LRRC39: variants seen among roughly 807,000 people sequenced by gnomAD.
LRRC39 encodes leucine rich repeat containing 39.
A neutral mutation model predicts 39.7 loss-of-function variants in LRRC39; 35 were observed. The observed-to-expected ratio is 0.88, with a 90% CI of 0.67 to 1.17. The LOEUF is 1.17. Among genes scored for constraint, LRRC39 ranks in the 50% most tolerant of loss-of-function variants. The pLI, the probability that LRRC39 is intolerant of heterozygous loss-of-function variation, is 0.00. For synonymous variants in LRRC39, 113 were observed against 134.1 expected, an observed-to-expected ratio of 0.84 and a Z score of 1.09; for missense variants, 357 against 385.8, an observed-to-expected ratio of 0.93 and a Z score of 0.62.
At chr1:100,162,956 A>G (rs576110855) in intron 3 of LRRC39, among the ~76,000 whole-genome samples, 6 of 152,172 alleles carry the variant, frequency 3.9e-5, no homozygotes, top group Non-Finnish European at 2.9e-5. Context: ...AAAGTGTTGA[A>G]TTTGCTGTCT....
At chr1:100,169,020 T>C (rs79127597) in intron 2 of LRRC39, among the ~76,000 whole-genome samples, 4,500 of 152,126 alleles carry the variant, frequency 0.03, 94 homozygotes, top group South Asian at 0.051. Flanking sequence ...GATAATATAT[T>C]GGGATTGTTT....
intron 4 of LRRC39, 38 bp downstream of exon 4, chr1:100,160,428 G>A: frequency 5.8e-6 from 9 of 1,550,472 alleles, no homozygotes; most frequent in Non-Finnish European, 8.0e-6. Context: ...CTCACAAAAT[G>A]CAAAATGTGG....
intron 8 of LRRC39, among the ~76,000 whole-genome samples, chr1:100,153,066 A>G (rs1310602666): frequency 6.6e-6 from 1 of 152,178 alleles, no homozygotes; most frequent in Non-Finnish European, 1.5e-5. Flanking sequence ...AACTTCTAAG[A>G]GCAATTTTAA....
intron 9 of LRRC39, chr1:100,149,496 G>A: frequency 2.1e-6 from 3 of 1,449,050 alleles, no homozygotes; most frequent in Non-Finnish European, 2.8e-6. Flanking sequence ...TGTCTAGTTA[G>A]AACTTCCAAA....
intron 5 of LRRC39, 46 bp from the exon 6 acceptor site, chr1:100,158,413 T>A (rs747691257): frequency 6.5e-7 from 1 of 1,533,824 alleles, no homozygotes; most frequent in South Asian, 1.2e-5. Flanking sequence ...TATAAAATAA[T>A]CTTTATAGTT....
Position 100,148,462 on chromosome 1 carries a change from CTT to C in LRRC39, c.*578_*579del. Reference sequence around the variant, plus strand: ...TTAGAATAAGCTAAAATATACACATCTTTTATTGTGGTCATAAATATAATGTG... The same window carrying C: ...TTAGAATAAGCTAAAATATACACATCTTATTGTGGTCATAAATATAATGTG... On this transcript the variant is annotated 3_prime_UTR_variant, in exon 10 of 10. Transcript: ENST00000370137. The C allele has an allele frequency of 9.1e-7, 1 of 1,101,978 alleles. No individual in the cohort carries two copies. The highest frequency in any genetic ancestry group is 1.3e-6 in the Non-Finnish European group (1 of 773,466). 68.3% of individuals were successfully genotyped at this position (1,101,978 alleles called of 1,614,324 possible). A position where few individuals can be genotyped will look rare whatever the true frequency, so the allele number is the denominator to read the frequency against.
intron 1 of LRRC39, among the ~76,000 whole-genome samples, chr1:100,173,850 T>C (rs1659788418): frequency 6.6e-6 from 1 of 152,166 alleles, no homozygotes; most frequent in African/African-American, 2.4e-5. Context: ...CTATTTTCAA[T>C]AGCATAAAAA....
At chr1:100,172,435 C>G (rs889770865) in intron 2 of LRRC39, among the ~76,000 whole-genome samples, 1 of 152,142 alleles carries the variant, frequency 6.6e-6, no homozygotes, top group Non-Finnish European at 1.5e-5. Flanking sequence ...GCATGTAATT[C>G]CAGCACTTTG....
At chr1:100,149,229 C>T (rs561592859) in intron 9 of LRRC39, 132 bp from the exon 10 acceptor site, 16 of 1,494,362 alleles carry the variant, frequency 1.1e-5, no homozygotes, top group Non-Finnish European at 8.9e-7. Flanking sequence ...TTGATTGTAA[C>T]AAGGGCCAAT....
chr1:100,153,496 AAC>A (rs1658210030), intron 8 of LRRC39, among the ~76,000 whole-genome samples: 1 of 152,168 alleles, frequency 6.6e-6, no homozygotes, highest in Non-Finnish European at 1.5e-5. Flanking sequence ...AGTAATAATC[AAC>A]AGTTAATAGA....
Position 100,160,471 on chromosome 1 carries a change from A to G in LRRC39, c.214T>C (p.Trp72Arg), listed in dbSNP as rs140255458. The G allele has an allele frequency of 3.1e-6, 5 of 1,611,850 alleles. No homozygotes were observed. Among genetic ancestry groups the G allele is most frequent in the South Asian group, 2.2e-5 (2 of 90,802 alleles). Residue 72 changes from tryptophan (W) to arginine (R), a missense_variant, in exon 4 of 10, where the codon TGG (tryptophan) becomes CGG (arginine). Physicochemically the swap from Trp to Arg is moderately radical, Grantham distance 101. Transcript: ENST00000370137. ...RVILKIEKEE[W>R]KTLPSSLLKL... is the part of the protein sequence containing the mutation. ...AATATTCTATAAAAGCTTACCTTCC[A>G]TTCCTCTTTTTCTATCTTCAAAATG... is the stretch of plus-strand genomic sequence containing the variant.
chr1:100,153,121 T>C (rs1279225170), intron 8 of LRRC39, among the ~76,000 whole-genome samples: 1 of 152,162 alleles, frequency 6.6e-6, no homozygotes, highest in Non-Finnish European at 1.5e-5. Context: ...AGTTTCTGCA[T>C]AATTTATATA....
Position 100,152,446 on chromosome 1 carries a change from T to G in LRRC39, c.891A>C (p.Glu297Asp). 6.2e-7 allele frequency: 1 copy of G among 1,613,162 alleles called. No homozygotes were observed. The highest frequency in any genetic ancestry group is 8.5e-7 in the Non-Finnish European group (1 of 1,179,998). The part of the protein sequence containing the change: ...PPSEGTDEEE[E>D]RELFGLQFMH... The stretch of plus-strand genomic sequence containing the variant: ...TAAACTGAAGGCCAAATAATTCCCG[T>G]TCCTCTTCTTCATCTGTGCCTTCAC... The change falls in exon 9 of 10, where the codon GAA (glutamate) becomes GAC (aspartate). Residue 297 changes from glutamate (E) to aspartate (D), a missense_variant. Transcript: ENST00000370137.
Position 100,155,956 on chromosome 1 carries a change from G to T in LRRC39, c.659+216C>A, listed in dbSNP as rs547680524. 3.3e-5 allele frequency among the ~76,000 whole-genome samples: 5 copies of T among 152,242 alleles called. No homozygotes were observed. The South Asian group carries it at 1.0e-3, about 32-fold the overall frequency. ...TAATCCCAGAACTCTGGGAGGCTGA[G>T]GTAGGTGGATCACTTGAAAAAAGCC... is the stretch of plus-strand genomic sequence containing the variant. On this transcript the variant is annotated intron_variant, in intron 7 of 9. Transcript: ENST00000370137.
At chr1:100,171,282 A>G (rs1189177791) in intron 2 of LRRC39, among the ~76,000 whole-genome samples, 1 of 152,188 alleles carries the variant, frequency 6.6e-6, no homozygotes, top group Non-Finnish European at 1.5e-5. Flanking sequence ...CTACAATGAC[A>G]GAATACATAA....
intron 1 of LRRC39, among the ~76,000 whole-genome samples, chr1:100,175,884 A>C (rs1390049348): frequency 3.3e-5 from 5 of 152,184 alleles, no homozygotes; most frequent in Non-Finnish European, 7.3e-5. Flanking sequence ...TGATTATACC[A>C]AGTGTTGGTG....
chr1:100,161,201 C>T (rs1465136261), intron 3 of LRRC39, among the ~76,000 whole-genome samples: 2 of 151,830 alleles, frequency 1.3e-5, no homozygotes, highest in African/African-American at 4.8e-5. Context: ...TATCTAATAC[C>T]AAAGCATTTT....
chr1:100,155,450 T>C (rs965214489), intron 7 of LRRC39, among the ~76,000 whole-genome samples: 8 of 152,220 alleles, frequency 5.3e-5, no homozygotes, highest in Non-Finnish European at 1.0e-4. Flanking sequence ...TTAACCAGTA[T>C]ACTTATTGAG....
intron 7 of LRRC39, among the ~76,000 whole-genome samples, chr1:100,155,921 C>T (rs1389655138): frequency 6.6e-6 from 1 of 152,136 alleles, no homozygotes; most frequent in East Asian, 1.9e-4. Context: ...GGTGTGGTGG[C>T]TCAGGCATGT....
Sources: allele counts gnomAD v4.1 joint callset (sites outside exome capture counted in the v4.1 genomes callset), GRCh38; gene constraint gnomAD v4.1.1; transcripts MANE v1.5; gene names NCBI Gene and HGNC (gene_info 2026-07-23, HGNC 2026-07-21).